Variants in FAF2 observed in about 807,000 individuals in gnomAD.
The protein encoded by FAF2 is FAS-associated factor 2.
In FAF2, 9 loss-of-function variants were observed where a neutral mutation model predicts 62.3. That is an observed-to-expected ratio of 0.14 (90% CI 0.09 to 0.25). FAF2 has a LOEUF of 0.25. Among genes scored for constraint, FAF2 ranks in the 10% least tolerant of loss-of-function variants. The pLI is 1.00. For missense variants in FAF2, 368 were observed against 556.2 expected (o/e 0.66, Z 3.40); for synonymous variants, 202 against 198.0 (o/e 1.02, Z -0.17).
At chr5:176,488,918 G>T in intron 3 of FAF2, 33 bp from the exon 4 acceptor site, 1 of 1,551,936 alleles carries the variant, frequency 6.4e-7, no homozygotes, top group Non-Finnish European at 8.9e-7. Context: ...GGGATTGAGA[G>T]AATTGTCTCT....
intron 4 of FAF2, among the ~76,000 whole-genome samples, chr5:176,490,184 G>A (rs1252852709): frequency 1.3e-5 from 2 of 152,020 alleles, no homozygotes; most frequent in Non-Finnish European, 2.9e-5. Flanking sequence ...GGTGGCTGGT[G>A]CCTGTAGTCC....
intron 2 of FAF2, among the ~76,000 whole-genome samples, chr5:176,484,185 G>A (rs576789569): frequency 5.9e-5 from 9 of 152,142 alleles, no homozygotes; most frequent in Admixed American, 1.3e-4. Context: ...TGGCATAGAT[G>A]TATAACAATA....
At position 176,498,901 on chromosome 5, in the gene FAF2, G is replaced by T; in HGVS notation, c.840-13G>T. 1 of 1,538,238 alleles carries T rather than the reference G, an allele frequency of 6.5e-7. No homozygotes were observed. Among genetic ancestry groups the T allele is most frequent in the South Asian group, 1.2e-5 (1 of 80,266 alleles). ...GTGCTGTTTTTCTTCTCTTGCTTTT[G>T]ATCTATTCACAGGGAAGAAAGAAAC... On this transcript the variant is annotated splice_polypyrimidine_tract_variant and intron_variant, in intron 8 of 10. Coordinates refer to ENST00000261942, the MANE Select transcript of FAF2 (RefSeq NM_014613.3).
chr5:176,451,884 ATATATATATTTTTTTTTTTTTT>A (rs1561813650), intron 1 of FAF2, among the ~76,000 whole-genome samples: 21 of 28,348 alleles, frequency 7.4e-4, no homozygotes, highest in South Asian at 5.2e-3. Context: ...ACATATATAT[ATATATATATTTTTTTTTTTTTT>A]TTTTTTTTTT....
chr5:176,481,984 G>A (rs547106490), intron 2 of FAF2, among the ~76,000 whole-genome samples: 209 of 152,012 alleles, frequency 1.4e-3, no homozygotes, highest in Non-Finnish European at 2.4e-3. Context: ...CAGCGTTGTA[G>A]GAAGGTCTGA....
chr5:176,493,964 C>T, intron 5 of FAF2, 35 bp from the exon 6 acceptor site: 1 of 1,464,796 alleles, frequency 6.8e-7, no homozygotes, highest in South Asian at 1.2e-5. Context: ...AAGGCACAGT[C>T]TTCTTAATAG....
At chr5:176,451,795 TATACATATATATATAC>T (rs1758176164) in intron 1 of FAF2, among the ~76,000 whole-genome samples, 4 of 56,338 alleles carry the variant, frequency 7.1e-5, no homozygotes, top group African/African-American at 3.1e-4. Flanking sequence ...TGTATATATA[TATACATATATATATAC>T]ACACATATAT....
chr5:176,463,574 A>C (rs1012637646), intron 1 of FAF2, among the ~76,000 whole-genome samples: 2 of 151,992 alleles, frequency 1.3e-5, no homozygotes, highest in Non-Finnish European at 2.9e-5. Flanking sequence ...TCTCAATAGT[A>C]ATATTAGCTA....
chr5:176,467,320 A>T (rs1758488168), intron 1 of FAF2, among the ~76,000 whole-genome samples: 1 of 150,978 alleles, frequency 6.6e-6, no homozygotes, highest in Non-Finnish European at 1.5e-5. Flanking sequence ...ATGTCAGTAG[A>T]CTTTTTTTGG....
intron 1 of FAF2, among the ~76,000 whole-genome samples, chr5:176,454,040 C>T (rs141947565): frequency 1.1e-3 from 154 of 142,814 alleles, no homozygotes; most frequent in African/African-American, 3.1e-3. Context: ...TGGGCAAGAG[C>T]GAGACTCTAA....
chr5:176,455,894 G>GTATATGAAATTTCATTTCA lies in FAF2; in HGVS notation c.63+7426_63+7427insTATGAAATTTCATTTCATA, dbSNP rs777142628. Among the ~76,000 whole-genome samples, 210 of 152,192 alleles carry GTATATGAAATTTCATTTCA rather than the reference G, an allele frequency of 1.4e-3. 1 individual carries two copies. The highest frequency in any genetic ancestry group is 2.1e-3 in the Non-Finnish European group (144 of 68,008). On this transcript the variant is annotated intron_variant, in intron 1 of 10. Transcript: ENST00000261942. ...AATATTTACATAAATATTCATTTAT[G>GTATATGAAATTTCATTTCA]TAAAAATGAAAACATGTAAAATGTT...
Position 176,508,337 on chromosome 5 carries a change from CGTT to C in FAF2, c.*1390_*1392del, listed in dbSNP as rs1170345305. Reference sequence around the variant, plus strand: ...TTCTGTAGCTAGACTGGTGCAGGCTCGTTGTACCACTGCAACCGACTGACGTTA... The same window carrying C: ...TTCTGTAGCTAGACTGGTGCAGGCTCGTACCACTGCAACCGACTGACGTTA... On this transcript the variant is annotated 3_prime_UTR_variant, in exon 11 of 11. Transcript: ENST00000261942. 6.6e-6 allele frequency: 1 copy of C among 152,162 alleles called. No individual in the cohort carries two copies. The highest frequency in any genetic ancestry group is 2.4e-5 in the African/African-American group (1 of 41,408). 9.4% of individuals were successfully genotyped at this position (152,162 alleles called of 1,614,324 possible).
intron 1 of FAF2, among the ~76,000 whole-genome samples, chr5:176,465,649 G>A (rs892553341): frequency 2.0e-5 from 3 of 152,122 alleles, no homozygotes; most frequent in African/African-American, 7.2e-5. Context: ...TTACAGTTAT[G>A]AGCCACCATG....
At chr5:176,499,653 C>T (rs958920681) in intron 9 of FAF2, among the ~76,000 whole-genome samples, 1 of 151,524 alleles carries the variant, frequency 6.6e-6, no homozygotes, top group African/African-American at 2.4e-5. Context: ...CACTGTGTTG[C>T]CCAGGCTGGC....
chr5:176,505,794 A>C (rs917076705), intron 10 of FAF2, among the ~76,000 whole-genome samples: 1 of 152,168 alleles, frequency 6.6e-6, no homozygotes, highest in Non-Finnish European at 1.5e-5. Flanking sequence ...CCATTAATTC[A>C]TTCCTTTTTA....
At chr5:176,459,470 G>A (rs1258951626) in intron 1 of FAF2, among the ~76,000 whole-genome samples, 1 of 151,840 alleles carries the variant, frequency 6.6e-6, no homozygotes, top group Non-Finnish European at 1.5e-5. Flanking sequence ...TCATTATGTT[G>A]TCCAGGCTGG....
rs1365798497 is a variant in FAF2, at chr5:176,510,063, G to T, written c.*3113G>T. 1 of 152,416 alleles carries T rather than the reference G, an allele frequency of 6.6e-6. No homozygotes were observed. The highest frequency in any genetic ancestry group is 1.5e-5 in the Non-Finnish European group (1 of 68,026). The allele number at this position is 152,416 out of a possible 1,614,324, so 9.4% of individuals were successfully genotyped here. On this transcript the variant is annotated 3_prime_UTR_variant, in exon 11 of 11. Coordinates refer to ENST00000261942, the MANE Select transcript of FAF2 (RefSeq NM_014613.3). ...GTAGGTTAACATTAAATGTTTTATA[G>T]CAAAAACTTCATAACAGGCTGTGGA...
chr5:176,488,848 AT>A, intron 3 of FAF2, 102 bp from the exon 4 acceptor site: 1 of 870,090 alleles, frequency 1.1e-6, no homozygotes. Context: ...AGAGGAACAA[AT>A]CACATGGAAG....
intron 2 of FAF2, among the ~76,000 whole-genome samples, chr5:176,479,884 G>A (rs765806156): frequency 3.3e-5 from 5 of 152,000 alleles, no homozygotes; most frequent in African/African-American, 4.8e-5. Flanking sequence ...TAGTAGAGAC[G>A]GGGTTTCACC....
Sources: allele counts gnomAD v4.1 joint callset (sites outside exome capture counted in the v4.1 genomes callset), GRCh38; gene constraint gnomAD v4.1.1; transcripts MANE v1.5; gene names NCBI Gene and HGNC (gene_info 2026-07-23, HGNC 2026-07-21).